SH3RF2: variants seen among roughly 807,000 people sequenced by gnomAD.
SH3RF2 encodes E3 ubiquitin-protein ligase SH3RF2.
SH3RF2 carries 43 observed loss-of-function variants against 59.0 expected under a neutral mutation model. The ratio of observed to expected loss-of-function variants is 0.73; its 90% CI spans 0.57 to 0.94. The LOEUF is 0.94. SH3RF2 is among the 40% of genes least tolerant of loss of function. The pLI is 0.00. For synonymous variants in SH3RF2, 391 were observed against 391.5 expected (o/e 1.00, Z 0.01); for missense variants, 930 against 940.1 (o/e 0.99, Z 0.14).
intron 2 of SH3RF2, among the ~76,000 whole-genome samples, chr5:145,976,467 G>A (rs567346259): frequency 1.1e-4 from 17 of 151,734 alleles, no homozygotes; most frequent in African/African-American, 1.9e-4. Flanking sequence ...GGTGGGGGGC[G>A]GGTTTTGGAA....
intron 5 of SH3RF2, among the ~76,000 whole-genome samples, chr5:146,027,179 T>C (rs1761558514): frequency 6.6e-6 from 1 of 152,194 alleles, no homozygotes; most frequent in Non-Finnish European, 1.5e-5. Context: ...AGTGTGACTC[T>C]TGGGACAATT....
At chr5:145,969,768 A>T (rs1044672096) in intron 2 of SH3RF2, among the ~76,000 whole-genome samples, 6 of 152,014 alleles carry the variant, frequency 3.9e-5, no homozygotes, top group Non-Finnish European at 1.5e-5. Flanking sequence ...CAAACAAATA[A>T]ATCATTATTT....
At chr5:146,038,612 A>G (rs977536595) in intron 5 of SH3RF2, among the ~76,000 whole-genome samples, 2 of 152,248 alleles carry the variant, frequency 1.3e-5, no homozygotes, top group African/African-American at 4.8e-5. Flanking sequence ...ATAACAAGAC[A>G]TGCAAGACCT....
chr5:145,937,777 C>A, intron 1 of SH3RF2, 46 bp from the exon 2 acceptor site: 2 of 865,510 alleles, frequency 2.3e-6, no homozygotes, highest in Non-Finnish European at 3.6e-6. Context: ...ATATACCTCT[C>A]GGAGCAGTCA....
chr5:146,056,929 A>G (rs1347974580), intron 8 of SH3RF2, among the ~76,000 whole-genome samples: 1 of 152,230 alleles, frequency 6.6e-6, no homozygotes, highest in East Asian at 1.9e-4. Flanking sequence ...GTCTCTTCAC[A>G]TAGTGAACTT....
intron 2 of SH3RF2, among the ~76,000 whole-genome samples, chr5:145,953,124 TCACA>T (rs3221819): frequency 0.1 from 15,012 of 148,744 alleles, 1,020 homozygotes; most frequent in East Asian, 0.27. Context: ...TCTCTCTCTG[TCACA>T]CACACACACA....
At chr5:145,977,574 A>T (rs1225593636) in intron 2 of SH3RF2, among the ~76,000 whole-genome samples, 3 of 152,186 alleles carry the variant, frequency 2.0e-5, no homozygotes, top group Non-Finnish European at 4.4e-5. Flanking sequence ...GTGCCCAAAA[A>T]GATGCCCTTT....
At chr5:146,070,393 A>G (rs1352772864) in intron 9 of SH3RF2, among the ~76,000 whole-genome samples, 1 of 152,184 alleles carries the variant, frequency 6.6e-6, no homozygotes, top group Non-Finnish European at 1.5e-5. Flanking sequence ...TCCAACAAGT[A>G]GGGGTGAGAA....
intron 4 of SH3RF2, among the ~76,000 whole-genome samples, chr5:146,010,651 G>T (rs1269964293): frequency 6.6e-6 from 1 of 152,174 alleles, no homozygotes; most frequent in East Asian, 1.9e-4. Flanking sequence ...ATTTTTTCAT[G>T]TGTCTTTTTG....
intron 5 of SH3RF2, among the ~76,000 whole-genome samples, chr5:146,033,452 T>TA (rs1761812434): frequency 2.8e-5 from 1 of 35,748 alleles, no homozygotes; most frequent in South Asian, 9.0e-4. Flanking sequence ...AGCCCTTAGC[T>TA]TTTTTTTTTT....
In SH3RF2 at chr5:146,049,115, G is replaced by A. The variant is rs752488400; in HGVS notation, c.1192G>A (p.Glu398Lys). 5 of 1,613,996 alleles carry A rather than the reference G, an allele frequency of 3.1e-6. No homozygotes were observed. The highest frequency in any genetic ancestry group is 2.2e-5 in the South Asian group (2 of 91,072). Residue 398 changes from glutamate to lysine, a missense_variant, in exon 7 of 10, where the codon GAG becomes AAG. Glu to Lys is a moderately conservative substitution (Grantham distance 56). Transcript: ENST00000359120. The stretch of plus-strand genomic sequence containing the variant: ...CTCCTACTCAGCCCATGGACCCGAT[G>A]AGCTGGACCTGCAAAAGGGAGAAGG... ...LHSYSAHGPDELDLQKGEGVR... is the reference protein window; with the variant it reads ...LHSYSAHGPDKLDLQKGEGVR...
intron 5 of SH3RF2, among the ~76,000 whole-genome samples, chr5:146,044,634 A>C (rs1047507567): frequency 2.0e-5 from 3 of 150,852 alleles, no homozygotes; most frequent in Admixed American, 6.6e-5. Flanking sequence ...AACTGTTTTT[A>C]TCTCCCTCTC....
intron 5 of SH3RF2, among the ~76,000 whole-genome samples, chr5:146,022,110 C>A (rs986988361): frequency 6.6e-6 from 1 of 152,088 alleles, no homozygotes; most frequent in Non-Finnish European, 1.5e-5. Flanking sequence ...GTATAATGAA[C>A]CCTCATGTAC....
At chr5:145,976,960 T>C (rs1759319493) in intron 2 of SH3RF2, among the ~76,000 whole-genome samples, 2 of 152,276 alleles carry the variant, frequency 1.3e-5, no homozygotes, top group South Asian at 2.1e-4. Context: ...GTCTGGCTCA[T>C]GCCCTTATTT....
chr5:145,953,654 C>G (rs1268422580), intron 2 of SH3RF2, among the ~76,000 whole-genome samples: 1 of 152,020 alleles, frequency 6.6e-6, no homozygotes, highest in Non-Finnish European at 1.5e-5. Flanking sequence ...ATTTCATCAC[C>G]CAGGAATTAA....
At chr5:146,057,829 G>A (rs976944943) in intron 8 of SH3RF2, among the ~76,000 whole-genome samples, 1 of 152,104 alleles carries the variant, frequency 6.6e-6, no homozygotes, top group Non-Finnish European at 1.5e-5. Flanking sequence ...TGTGGTCTCA[G>A]CTACTTTTGG....
At chr5:146,010,339 A>T (rs1464549935) in intron 4 of SH3RF2, among the ~76,000 whole-genome samples, 3 of 152,230 alleles carry the variant, frequency 2.0e-5, no homozygotes, top group Non-Finnish European at 4.4e-5. Flanking sequence ...CAATAAACAT[A>T]CGTGTGCATG....
intron 2 of SH3RF2, among the ~76,000 whole-genome samples, chr5:145,966,409 C>A (rs180912973): frequency 1.6e-4 from 25 of 152,172 alleles, no homozygotes; most frequent in Non-Finnish European, 3.1e-4. Flanking sequence ...TAAAGGGAGA[C>A]AAACAATGAA....
intron 5 of SH3RF2, among the ~76,000 whole-genome samples, chr5:146,047,154 C>CGTGTGTGTGTGTATGT (rs1762332786): frequency 6.8e-6 from 1 of 148,134 alleles, no homozygotes; most frequent in Non-Finnish European, 1.5e-5. Flanking sequence ...ATTGGATAGG[C>CGTGTGTGTGTGTATGT]GTGTGTGTGT....
Sources: gnomAD v4.1 joint callset for allele counts (sites outside exome capture counted in the v4.1 genomes callset) on GRCh38, gnomAD v4.1.1 for gene constraint, MANE v1.5 for transcripts, NCBI Gene and HGNC (gene_info 2026-07-23, HGNC 2026-07-21) for gene names.